ADGRL3: variants seen among roughly 807,000 people sequenced by gnomAD.
The protein encoded by ADGRL3 is adhesion G protein-coupled receptor L3, also known as calcium-independent alpha-latrotoxin receptor 3.
ADGRL3 carries 62 observed loss-of-function variants against 153.5 expected under a neutral mutation model. The ratio of observed to expected loss-of-function variants is 0.40; its 90% CI spans 0.33 to 0.50. The LOEUF is 0.50. Among genes scored for constraint, ADGRL3 ranks in the 20% least tolerant of loss-of-function variants. The pLI is 0.47. For synonymous variants in ADGRL3, 710 were observed against 672.5 expected (o/e 1.06, Z -0.86); for missense variants, 1,641 against 1,859.4 (o/e 0.88, Z 2.16).
At chr4:61,332,500 T>C (rs546151201) in intron 1 of ADGRL3, among the ~76,000 whole-genome samples, 1 of 152,264 alleles carries the variant, frequency 6.6e-6, no homozygotes, top group East Asian at 1.9e-4. Context: ...GGATCATTTT[T>C]TGTAATATGA....
Position 62,070,949 on chromosome 4 carries a change from C to A in ADGRL3, c.*41C>A, listed in dbSNP as rs1437009756. On this transcript the variant is annotated 3_prime_UTR_variant, in exon 27 of 27. Transcript: ENST00000683033. ...TTGGAACCAACAAAACTGCTAACAC[C>A]TTGTTGACTGTTCTGAGTTGATATA... 21 of 1,457,038 alleles carry A rather than the reference C, an allele frequency of 1.4e-5. No individual in the cohort carries two copies. Among genetic ancestry groups the A allele is most frequent in the Non-Finnish European group, 1.5e-5 (16 of 1,079,952 alleles). 90.3% of individuals were successfully genotyped at this position (1,457,038 alleles called of 1,614,324 possible).
chr4:61,895,886 G>A (rs1581354051), intron 11 of ADGRL3, 52 bp downstream of exon 11: 8 of 974,370 alleles, frequency 8.2e-6, no homozygotes, highest in East Asian at 2.8e-5. Flanking sequence ...ATCATCTGTT[G>A]TTGATGATAG....
intron 5 of ADGRL3, among the ~76,000 whole-genome samples, chr4:61,590,017 C>T (rs544224097): frequency 9.9e-5 from 15 of 152,188 alleles, no homozygotes; most frequent in African/African-American, 3.6e-4. Context: ...GTCCACCACC[C>T]ACCAATCGTC....
intron 25 of ADGRL3, among the ~76,000 whole-genome samples, chr4:62,063,288 T>G (rs1741170616): frequency 6.6e-6 from 1 of 152,112 alleles, no homozygotes; most frequent in Non-Finnish European, 1.5e-5. Flanking sequence ...TAATCAACAT[T>G]GTAAATCATT....
chr4:61,394,897 G>A (rs925356872), intron 2 of ADGRL3, among the ~76,000 whole-genome samples: 2 of 151,770 alleles, frequency 1.3e-5, no homozygotes, highest in Non-Finnish European at 2.9e-5. Context: ...ATAAAACTTG[G>A]GTATAATGTA....
intron 19 of ADGRL3, among the ~76,000 whole-genome samples, chr4:61,989,135 A>C (rs2099095527): frequency 6.6e-6 from 1 of 152,104 alleles, no homozygotes; most frequent in South Asian, 2.1e-4. Context: ...AGATTTCTAA[A>C]AAATATCAGA....
In ADGRL3 at chr4:61,983,436, C is replaced by T; in HGVS notation, c.3069C>T (p.Phe1023=). Residue 1023 remains phenylalanine, a synonymous_variant, in exon 19 of 27, where the codon TTC becomes TTT. Transcript: ENST00000683033. ...TACATTTCTTCTTCTTGGCTGCCTT[C>T]ACCTGGATGTTCCTGGAGGGGGTGC... ...ALLHFFFLAA[F]TWMFLEGVQL... is the part of the protein sequence containing the mutation. 1 of 1,613,892 alleles carries T rather than the reference C, an allele frequency of 6.2e-7. No individual in the cohort carries two copies. Among genetic ancestry groups the T allele is most frequent in the Non-Finnish European group, 8.5e-7 (1 of 1,179,878 alleles).
chr4:61,442,820 A>G (rs2097541751), intron 2 of ADGRL3, among the ~76,000 whole-genome samples: 1 of 152,148 alleles, frequency 6.6e-6, no homozygotes, highest in East Asian at 1.9e-4. Context: ...TTATACTTTA[A>G]AAACCCCAGT....
chr4:61,480,417 A>G (rs1027248231), intron 2 of ADGRL3, among the ~76,000 whole-genome samples: 5 of 152,162 alleles, frequency 3.3e-5, no homozygotes, highest in African/African-American at 1.2e-4. Flanking sequence ...CACATTTTCT[A>G]TATCAGTTTG....
At chr4:61,203,813 T>G (rs1427628774) in intron 1 of ADGRL3, among the ~76,000 whole-genome samples, 2 of 152,322 alleles carry the variant, frequency 1.3e-5, no homozygotes, top group African/African-American at 4.8e-5. Context: ...GATAGAATTC[T>G]CAGCTCTTTT....
intron 5 of ADGRL3, among the ~76,000 whole-genome samples, chr4:61,637,765 C>T (rs1194574069): frequency 1.3e-5 from 2 of 151,794 alleles, no homozygotes; most frequent in Admixed American, 1.3e-4. Flanking sequence ...TGTTCCCCCA[C>T]CCCCCAAAAA....
chr4:61,980,969 A>C (rs1319096264), intron 18 of ADGRL3, among the ~76,000 whole-genome samples: 1 of 152,202 alleles, frequency 6.6e-6, no homozygotes, highest in Non-Finnish European at 1.5e-5. Context: ...GTGTGGACAT[A>C]TGTTTTTAAC....
chr4:61,251,608 T>C (rs1759296996), intron 1 of ADGRL3, among the ~76,000 whole-genome samples: 1 of 152,160 alleles, frequency 6.6e-6, no homozygotes, highest in Non-Finnish European at 1.5e-5. Context: ...CATGATTAAC[T>C]TTGAAAACAG....
At chr4:61,696,302 T>C (rs944556817) in intron 6 of ADGRL3, among the ~76,000 whole-genome samples, 5 of 152,178 alleles carry the variant, frequency 3.3e-5, no homozygotes. Context: ...TTCCAGAAAG[T>C]AGCATACTTT....
At chr4:61,966,293 AG>A (rs1413125216) in intron 17 of ADGRL3, among the ~76,000 whole-genome samples, 1 of 152,166 alleles carries the variant, frequency 6.6e-6, no homozygotes, top group African/African-American at 2.4e-5. Flanking sequence ...TGCCTCATGC[AG>A]TGTCTATTAT....
At chr4:61,591,691 A>G (rs2098969948) in intron 5 of ADGRL3, among the ~76,000 whole-genome samples, 1 of 151,694 alleles carries the variant, frequency 6.6e-6, no homozygotes, top group African/African-American at 2.4e-5. Context: ...AAGTAGGAGT[A>G]TTTTTTTTCT....
intron 9 of ADGRL3, among the ~76,000 whole-genome samples, chr4:61,868,505 A>G (rs551053546): frequency 1.3e-5 from 2 of 152,244 alleles, no homozygotes; most frequent in Non-Finnish European, 2.9e-5. Flanking sequence ...CTCTGTCTCT[A>G]TAACAAACGA....
At chr4:61,234,332 C>T (rs780457215) in intron 1 of ADGRL3, among the ~76,000 whole-genome samples, 6 of 152,056 alleles carry the variant, frequency 3.9e-5, no homozygotes, top group African/African-American at 7.3e-5. Context: ...TAAACCCATC[C>T]GGTCTCGTGA....
intron 8 of ADGRL3, among the ~76,000 whole-genome samples, chr4:61,781,345 AAAG>A (rs2097211748): frequency 6.6e-6 from 1 of 151,268 alleles, no homozygotes; most frequent in South Asian, 2.1e-4. Context: ...AAAAAAAAAA[AAAG>A]AAAAGAAAAG....
Sources: gnomAD v4.1 joint callset for allele counts (sites outside exome capture counted in the v4.1 genomes callset) on GRCh38, gnomAD v4.1.1 for gene constraint, MANE v1.5 for transcripts, NCBI Gene and HGNC (gene_info 2026-07-23, HGNC 2026-07-21) for gene names.